Variants in DYNC1I2 observed in about 807,000 individuals in gnomAD.
DYNC1I2 encodes the protein dynein cytoplasmic 1 intermediate chain 2.
A neutral mutation model predicts 88.6 loss-of-function variants in DYNC1I2; 53 were observed. The ratio of observed to expected loss-of-function variants is 0.60; its 90% CI spans 0.48 to 0.75. DYNC1I2 has a LOEUF of 0.75. Among genes scored for constraint, DYNC1I2 ranks in the 30% least tolerant of loss-of-function variants. The probability of loss-of-function intolerance (pLI) is 0.00; values close to 1 mark genes in which losing one functional copy is unlikely to be tolerated. For missense variants in DYNC1I2, 458 were observed against 766.6 expected (o/e 0.60, Z 4.75); for synonymous variants, 198 against 254.6 (o/e 0.78, Z 2.12).
chr2:171,700,067 A>G (rs1452941524), intron 3 of DYNC1I2, among the ~76,000 whole-genome samples: 14 of 152,050 alleles, frequency 9.2e-5, no homozygotes, highest in African/African-American at 3.4e-4. Flanking sequence ...AACTTCTCTC[A>G]TTGGGTCAAA....
At chr2:171,705,754 C>T (rs536317973) in intron 3 of DYNC1I2, among the ~76,000 whole-genome samples, 2 of 152,142 alleles carry the variant, frequency 1.3e-5, no homozygotes, top group East Asian at 1.9e-4. Context: ...ACATACAGCA[C>T]CTAGCACAGT....
intron 15 of DYNC1I2, among the ~76,000 whole-genome samples, chr2:171,735,979 CT>C (rs1366519875): frequency 6.6e-6 from 1 of 152,176 alleles, no homozygotes; most frequent in Non-Finnish European, 1.5e-5. Flanking sequence ...AGTTTTCACA[CT>C]TTTGTAGTCC....
Position 171,745,903 on chromosome 2 carries a change from G to A in DYNC1I2, c.1779G>A (p.Gln593=). The A allele has an allele frequency of 6.2e-7, 1 of 1,613,858 alleles. No individual in the cohort carries two copies. Among genetic ancestry groups the A allele is most frequent in the Non-Finnish European group, 8.5e-7 (1 of 1,179,790 alleles). ...REIAVGDSEG[Q]IVIYDVGEQI... is the part of the protein sequence containing the mutation. ...TTGCTGTGGGTGATTCTGAAGGACA[G>A]ATTGTTATATACGATGTGGGAGAGG... Residue 593 remains glutamine (Q), a synonymous_variant, in exon 17 of 18, where the codon CAG becomes CAA. Coordinates refer to ENST00000397119, the MANE Select transcript of DYNC1I2 (RefSeq NM_001378.3).
At position 171,692,886 on chromosome 2, in the gene DYNC1I2, C is replaced by T. The variant is rs780401451; in HGVS notation, c.218C>T (p.Ser73Phe). The change falls in exon 3 of 18, where the codon TCC becomes TTC. Residue 73 changes from serine to phenylalanine, a missense_variant. Transcript: ENST00000397119. ...CAAAGCATGGGGCTAACTCCAGAAT[C>T]CCCCATTGGTAAGGTTAAGAATATA... is the stretch of plus-strand genomic sequence containing the variant. ...LLQSMGLTPE[S>F]PIVFSEYWVP... 2 of 1,591,638 alleles carry T rather than the reference C, an allele frequency of 1.3e-6. No homozygotes were observed. The highest frequency in any genetic ancestry group is 1.7e-6 in the Non-Finnish European group (2 of 1,167,092).
intron 10 of DYNC1I2, chr2:171,726,538 C>T (rs944137200): frequency 3.6e-6 from 2 of 550,364 alleles, no homozygotes; most frequent in Non-Finnish European, 6.0e-6. Context: ...AGTTGCTCAC[C>T]AAATCCTTTG....
chr2:171,724,400 C>CG (rs1688101088), intron 7 of DYNC1I2, among the ~76,000 whole-genome samples: 2 of 152,088 alleles, frequency 1.3e-5, no homozygotes, highest in African/African-American at 4.8e-5. Flanking sequence ...ATTGCACAGG[C>CG]CTGCCATTGG....
intron 11 of DYNC1I2, 139 bp downstream of exon 11, chr2:171,727,055 C>T: frequency 1.1e-6 from 1 of 925,672 alleles, no homozygotes. Context: ...TATTTGCAAA[C>T]AGATGTTAAC....
intron 3 of DYNC1I2, among the ~76,000 whole-genome samples, chr2:171,699,907 C>T (rs896954795): frequency 6.6e-6 from 1 of 151,974 alleles, no homozygotes; most frequent in African/African-American, 2.4e-5. Flanking sequence ...TCCCTAACTG[C>T]TCAAGTTTTT....
chr2:171,693,849 A>G (rs1429611472), intron 3 of DYNC1I2, among the ~76,000 whole-genome samples: 1 of 152,206 alleles, frequency 6.6e-6, no homozygotes, highest in Non-Finnish European at 1.5e-5. Context: ...TATGTTGAAC[A>G]TGCAATTTTA....
At chr2:171,696,691 T>TC (rs1038809583) in intron 3 of DYNC1I2, among the ~76,000 whole-genome samples, 1 of 152,166 alleles carries the variant, frequency 6.6e-6, no homozygotes, top group African/African-American at 2.4e-5. Context: ...GTCTATCTTT[T>TC]CCCCCACTGA....
Position 171,743,943 on chromosome 2 carries a change from G to A in DYNC1I2, c.1537-106G>A, listed in dbSNP as rs1014685537. On this transcript the variant is annotated intron_variant, in intron 15 of 17. Transcript: ENST00000397119. ...TAGGCTGAGTTAAATATCATAAAAT[G>A]TTATCATACCTGTTGAATGTATGTC... 2.2e-5 allele frequency: 22 copies of A among 1,012,716 alleles called. 1 individual carries two copies. In the South Asian group the frequency reaches 6.2e-4, roughly 29 times the overall value. The allele number at this position is 1,012,716 out of a possible 1,614,324, so 62.7% of individuals were successfully genotyped here.
At chr2:171,701,144 G>A (rs1025366743) in intron 3 of DYNC1I2, among the ~76,000 whole-genome samples, 4 of 152,028 alleles carry the variant, frequency 2.6e-5, no homozygotes, top group Non-Finnish European at 5.9e-5. Flanking sequence ...ATCTTGAATG[G>A]GCATGTTTAG....
intron 7 of DYNC1I2, among the ~76,000 whole-genome samples, 196 bp downstream of exon 7, chr2:171,715,639 T>C (rs1008447256): frequency 1.3e-5 from 2 of 152,194 alleles, no homozygotes; most frequent in Admixed American, 6.5e-5. Context: ...TTAAAACTTA[T>C]TAGAAGTTAA....
chr2:171,707,383 G>A lies in DYNC1I2; in HGVS notation c.335+6G>A. 1.2e-6 allele frequency: 2 copies of A among 1,603,724 alleles called. No individual in the cohort carries two copies. The highest frequency in any genetic ancestry group is 2.7e-5 in the African/African-American group (2 of 74,360). Reference sequence around the variant, plus strand: ...GATGGCGCCGTGGGATCTAGGTACAGTAATTTTCCTTTTAATGTTTTAATG... The same window carrying A: ...GATGGCGCCGTGGGATCTAGGTACAATAATTTTCCTTTTAATGTTTTAATG... On this transcript the variant is annotated splice_donor_region_variant and intron_variant, in intron 5 of 17. Transcript: ENST00000397119.
At chr2:171,726,409 T>A in intron 10 of DYNC1I2, 116 bp downstream of exon 10, 3 of 703,600 alleles carry the variant, frequency 4.3e-6, no homozygotes, top group South Asian at 2.1e-5. Flanking sequence ...TATTTAAAAT[T>A]AATGGATGAT....
At chr2:171,713,599 T>G (rs1236891759) in intron 6 of DYNC1I2, among the ~76,000 whole-genome samples, 2 of 152,150 alleles carry the variant, frequency 1.3e-5, no homozygotes, top group African/African-American at 4.8e-5. Context: ...GAGATAAGAT[T>G]ATCCATCCAT....
chr2:171,736,236 C>T (rs1408155933), intron 15 of DYNC1I2, among the ~76,000 whole-genome samples: 1 of 152,178 alleles, frequency 6.6e-6, no homozygotes, highest in Non-Finnish European at 1.5e-5. Context: ...GCATTTGCCT[C>T]AGTAACTTGC....
chr2:171,697,032 G>A lies in DYNC1I2; in HGVS notation c.226+4138G>A, dbSNP rs371433681. Among the ~76,000 whole-genome samples the A allele has an allele frequency of 4.0e-5, 6 of 151,866 alleles. No homozygotes were observed. In the South Asian group the frequency reaches 1.2e-3, roughly 32 times the overall value. On this transcript the variant is annotated intron_variant, in intron 3 of 17. Transcript: ENST00000397119. Reference sequence around the variant, plus strand: ...ATTATTATTTTTGAGACAAGGTCTTGCTCTGTCACCTCGGCTGGAATGCAG... The same window carrying A: ...ATTATTATTTTTGAGACAAGGTCTTACTCTGTCACCTCGGCTGGAATGCAG...
At chr2:171,701,361 G>T (rs574224220) in intron 3 of DYNC1I2, among the ~76,000 whole-genome samples, 1 of 152,058 alleles carries the variant, frequency 6.6e-6, no homozygotes, top group Middle Eastern at 3.2e-3. Context: ...GTAGAGACGG[G>T]GTTTCACCAT....
Sources: allele counts gnomAD v4.1 joint callset (sites outside exome capture counted in the v4.1 genomes callset), GRCh38; gene constraint gnomAD v4.1.1; transcripts MANE v1.5; gene names NCBI Gene and HGNC (gene_info 2026-07-23, HGNC 2026-07-21).